The following CBX3 variants were observed in gnomAD, a reference collection of about 807,000 sequenced individuals.
The protein encoded by CBX3 is chromobox 3.
Under a neutral mutation model 22.6 loss-of-function variants are expected in CBX3, and 5 were observed. The observed-to-expected ratio is 0.22, with a 90% confidence interval of 0.12 to 0.47. CBX3 has a LOEUF of 0.47. Ranked by LOEUF, CBX3 falls within the 20% of genes least tolerant of loss-of-function variation. CBX3 has a pLI of 0.99. For missense variants in CBX3, 83 were observed against 208.1 expected, an observed-to-expected ratio of 0.40 and a Z score of 3.70; for synonymous variants, 50 against 66.6, an observed-to-expected ratio of 0.75 and a Z score of 1.21.
At chr7:26,202,870 T>A in intron 1 of CBX3, 101 bp from the exon 2 acceptor site, 1 of 781,676 alleles carries the variant, frequency 1.3e-6, no homozygotes, top group Non-Finnish European at 2.3e-6. Flanking sequence ...ACGTTTGAAA[T>A]GTGCGCTCTC....
chr7:26,208,948 T>C (rs989601659), intron 4 of CBX3, among the ~76,000 whole-genome samples: 1 of 130,342 alleles, frequency 7.7e-6, no homozygotes, highest in African/African-American at 3.0e-5. Flanking sequence ...TTTTTTTTTT[T>C]TTTCCTGGGA....
intron 2 of CBX3, among the ~76,000 whole-genome samples, chr7:26,205,330 C>G (rs556460597): frequency 2.6e-5 from 4 of 152,098 alleles, no homozygotes; most frequent in Non-Finnish European, 5.9e-5. Flanking sequence ...AATTTGGTTA[C>G]CAGTATAGAC....
chr7:26,206,291 T>C, intron 2 of CBX3, 77 bp from the exon 3 acceptor site: 3 of 893,844 alleles, frequency 3.4e-6, no homozygotes, highest in South Asian at 3.3e-5. Flanking sequence ...GTGATAATAA[T>C]ATAAGCAATT....
At chr7:26,203,063 A>T in intron 2 of CBX3, 41 bp downstream of exon 2, 1 of 1,366,684 alleles carries the variant, frequency 7.3e-7, no homozygotes, top group Non-Finnish European at 1.0e-6. Flanking sequence ...GATTTAACTC[A>T]AGTTTTTTTT....
At chr7:26,202,887 G>A (rs1784582109) in intron 1 of CBX3, 84 bp from the exon 2 acceptor site, 1 of 856,444 alleles carries the variant, frequency 1.2e-6, no homozygotes, top group Non-Finnish European at 2.0e-6. Flanking sequence ...TCTCTACTTG[G>A]GGGTTGGAAT....
intron 2 of CBX3, among the ~76,000 whole-genome samples, chr7:26,203,710 T>C (rs1057351140): frequency 1.3e-5 from 2 of 152,198 alleles, no homozygotes; most frequent in Non-Finnish European, 2.9e-5. Flanking sequence ...TTTCACAATA[T>C]TTAACATTGC....
At position 26,213,323 on chromosome 7, in the gene CBX3, T is replaced by C. The variant is rs1481538218; in HGVS notation, c.*1115T>C. On this transcript the variant is annotated 3_prime_UTR_variant, in exon 6 of 6. Transcript: ENST00000396386. Reference sequence around the variant, plus strand: ...CTTTATTGTAAATACTGGTGAACAGTGGTTAATAAATAGTTTTATATTCCT... The same window carrying C: ...CTTTATTGTAAATACTGGTGAACAGCGGTTAATAAATAGTTTTATATTCCT... 3.5e-4 allele frequency: 54 copies of C among 152,832 alleles called. No individual in the cohort carries two copies. Among genetic ancestry groups the C allele is most frequent in the African/African-American group, 1.3e-3 (53 of 41,600 alleles). The allele number at this position is 152,832 out of a possible 1,614,324, so 9.5% of individuals were successfully genotyped here.
chr7:26,209,780 C>T (rs1784763538), intron 4 of CBX3, among the ~76,000 whole-genome samples: 1 of 152,148 alleles, frequency 6.6e-6, no homozygotes, highest in Non-Finnish European at 1.5e-5. Context: ...GTCTTGCCTA[C>T]TGACCTAGTG....
chr7:26,203,302 A>G (rs1044040659), intron 2 of CBX3, among the ~76,000 whole-genome samples: 1 of 152,132 alleles, frequency 6.6e-6, no homozygotes, highest in Non-Finnish European at 1.5e-5. Context: ...AAATACACAC[A>G]TTTTTGCAGC....
rs750238315 is a variant in CBX3 at position 26,212,047 on chromosome 7, G to T, written c.426-35G>T. ...GCTGTCGGTTGACATGAACAACTTC[G>T]ACTTGTAACTGAATTTTTCTTTTTC... On this transcript the variant is annotated intron_variant, in intron 5 of 5. Coordinates refer to ENST00000396386, the MANE Select transcript of CBX3 (RefSeq NM_016587.4). 1.3e-5 allele frequency: 19 copies of T among 1,475,170 alleles called. No individual in the cohort carries two copies. The African/African-American group carries it at 2.6e-4, about 20-fold the overall frequency. 91.4% of individuals were successfully genotyped at this position (1,475,170 alleles called of 1,614,324 possible).
intron 4 of CBX3, among the ~76,000 whole-genome samples, chr7:26,209,386 A>G (rs1340812378): frequency 6.6e-6 from 1 of 152,154 alleles, no homozygotes; most frequent in Non-Finnish European, 1.5e-5. Flanking sequence ...TCTTAGTTTC[A>G]TGGATTTGAT....
Position 26,202,985 on chromosome 7 carries a change from G to A in CBX3, c.-14G>A, listed in dbSNP as rs1315919889. 2 of 1,605,442 alleles carry A rather than the reference G, an allele frequency of 1.2e-6. No individual in the cohort carries two copies. Among genetic ancestry groups the A allele is most frequent in the African/African-American group, 1.3e-5 (1 of 74,670 alleles). ...CATTTTTCTAGTAATAGCTCTTCAA[G>A]TCTGCAATAAAAAATGGCCTCCAAC... is the stretch of plus-strand genomic sequence containing the variant. On this transcript the variant is annotated 5_prime_UTR_variant, in exon 2 of 6. Transcript: ENST00000396386.
chr7:26,203,219 C>T (rs1191909659), intron 2 of CBX3, among the ~76,000 whole-genome samples, 197 bp downstream of exon 2: 1 of 152,236 alleles, frequency 6.6e-6, no homozygotes, highest in East Asian at 1.9e-4. Context: ...AGTGTCTTAA[C>T]TAGTTCAAAG....
intron 3 of CBX3, 95 bp from the exon 4 acceptor site, chr7:26,208,298 T>G (rs1234631868): frequency 2.9e-6 from 3 of 1,035,494 alleles, no homozygotes; most frequent in Non-Finnish European, 4.1e-6. Flanking sequence ...GAGGACTTTT[T>G]ATTCCCCCGG....
At chr7:26,208,695 C>G in intron 4 of CBX3, 140 bp downstream of exon 4, 1 of 673,884 alleles carries the variant, frequency 1.5e-6, no homozygotes. Context: ...ATCTTGGTCA[C>G]TGCAACTGCC....
chr7:26,203,075 C>T (rs895034894), intron 2 of CBX3, 53 bp downstream of exon 2: 20 of 1,193,982 alleles, frequency 1.7e-5, no homozygotes, highest in Admixed American at 4.2e-5. Context: ...GTTTTTTTTC[C>T]CCACAGTATA....
intron 1 of CBX3, 186 bp from the exon 2 acceptor site, chr7:26,202,785 C>T: frequency 1.8e-6 from 1 of 568,398 alleles, no homozygotes; most frequent in Non-Finnish European, 3.1e-6. Flanking sequence ...TCTAGACTCA[C>T]ATGGTTAGGA....
chr7:26,208,214 C>A, intron 3 of CBX3, 179 bp from the exon 4 acceptor site: 1 of 458,310 alleles, frequency 2.2e-6, no homozygotes. Flanking sequence ...AAAGCAAGAC[C>A]CTGTCTCTGG....
At chr7:26,204,201 T>C (rs1436028983) in intron 2 of CBX3, among the ~76,000 whole-genome samples, 1 of 151,910 alleles carries the variant, frequency 6.6e-6, no homozygotes, top group Non-Finnish European at 1.5e-5. Context: ...GCCATAGTAG[T>C]GAATGAATAC....
Sources: allele counts gnomAD v4.1 joint callset (sites outside exome capture counted in the v4.1 genomes callset), GRCh38; gene constraint gnomAD v4.1.1; transcripts MANE v1.5; gene names NCBI Gene and HGNC (gene_info 2026-07-23, HGNC 2026-07-21).